The following CD226 variants were observed in gnomAD, a reference collection of about 807,000 sequenced individuals.
The protein encoded by CD226 is CD226 antigen.
In CD226, 24 loss-of-function variants were observed where a neutral mutation model predicts 34.9. The ratio of observed to expected loss-of-function variants is 0.69; its 90% CI spans 0.50 to 0.97. The LOEUF (loss-of-function observed/expected upper bound fraction) is 0.97. Among genes scored for constraint, CD226 ranks in the 50% least tolerant of loss-of-function variants. CD226 has a pLI of 0.00. For missense variants in CD226, 397 were observed against 412.7 expected, an observed-to-expected ratio of 0.96 and a Z score of 0.33; for synonymous variants, 148 against 147.4, an observed-to-expected ratio of 1.00 and a Z score of -0.03.
intron 2 of CD226, among the ~76,000 whole-genome samples, chr18:69,924,242 C>T (rs2145316745): frequency 6.6e-6 from 1 of 152,140 alleles, no homozygotes; most frequent in East Asian, 1.9e-4. Flanking sequence ...TTGAATTCTA[C>T]CTCTGAAAAA....
intron 2 of CD226, among the ~76,000 whole-genome samples, chr18:69,900,719 A>G (rs1260221237): frequency 6.8e-6 from 1 of 146,144 alleles, no homozygotes; most frequent in Non-Finnish European, 1.5e-5. Context: ...GGCCTGGGCG[A>G]CAGAGCGAGA....
At chr18:69,914,034 A>G (rs192322068) in intron 2 of CD226, among the ~76,000 whole-genome samples, 102 of 152,328 alleles carry the variant, frequency 6.7e-4, no homozygotes, top group Non-Finnish European at 1.6e-4. Flanking sequence ...GATTTCCAAA[A>G]TTTGGAAAGC....
In CD226 at chr18:69,900,756, A is replaced by AT. The variant is rs1555680748; in HGVS notation, c.383-4712dup. 4.4e-3 allele frequency among the ~76,000 whole-genome samples: 671 copies of AT among 150,792 alleles called. 6 individuals carry two copies. Among genetic ancestry groups the AT allele is most frequent in the African/African-American group, 0.016 (645 of 40,550 alleles). ...TCCGTCTCAAAAAAAAAAAAAAAAA[A>AT]TTTCTAATAAAATAAAACTGTATTT... is the stretch of plus-strand genomic sequence containing the variant. On this transcript the variant is annotated intron_variant, in intron 2 of 5. Transcript: ENST00000582621.
intron 2 of CD226, among the ~76,000 whole-genome samples, chr18:69,914,018 TAGAG>T (rs1034002717): frequency 2.6e-5 from 4 of 152,198 alleles, no homozygotes; most frequent in African/African-American, 9.6e-5. Flanking sequence ...CTACTTCTAT[TAGAG>T]AGATTTCCAA....
intron 2 of CD226, among the ~76,000 whole-genome samples, chr18:69,922,353 C>T (rs750312489): frequency 3.3e-5 from 5 of 152,198 alleles, no homozygotes; most frequent in Non-Finnish European, 7.3e-5. Context: ...GCGATCATAG[C>T]TCACTGCAGC....
At chr18:69,902,053 G>A (rs2055193250) in intron 2 of CD226, among the ~76,000 whole-genome samples, 1 of 152,108 alleles carries the variant, frequency 6.6e-6, no homozygotes, top group African/African-American at 2.4e-5. Context: ...ATATACTGAA[G>A]TAGCTTTCCC....
chr18:69,893,218 G>A (rs1338068922), intron 3 of CD226, among the ~76,000 whole-genome samples: 1 of 152,184 alleles, frequency 6.6e-6, no homozygotes, highest in African/African-American at 2.4e-5. Flanking sequence ...TCAACTGAAT[G>A]TCAAAAAGCC....
At chr18:69,928,010 G>A (rs985169937) in intron 2 of CD226, among the ~76,000 whole-genome samples, 15 of 152,144 alleles carry the variant, frequency 9.9e-5, no homozygotes, top group African/African-American at 3.4e-4. Flanking sequence ...ACTAGTGGGT[G>A]AAATACTGAA....
rs541216240 is a variant in CD226 at position 69,923,913 on chromosome 18, C to T, written c.382+22821G>A. ...AGCTTGCAGTGAGCCGAGATCGCGCCACTGCACTCCAGCCTGGGCGACAGA... is the reference window on the plus strand; with the variant it reads ...AGCTTGCAGTGAGCCGAGATCGCGCTACTGCACTCCAGCCTGGGCGACAGA... On this transcript the variant is annotated intron_variant, in intron 2 of 5. Transcript: ENST00000582621. Among the ~76,000 whole-genome samples, 769 of 150,006 alleles carry T rather than the reference C, an allele frequency of 5.1e-3. 2 individuals carry two copies. The highest frequency in any genetic ancestry group is 8.3e-3 in the Non-Finnish European group (565 of 67,726).
In CD226 at chr18:69,857,356, G is replaced by A. The variant is rs1179137004; in HGVS notation, c.*6958C>T. On this transcript the variant is annotated 3_prime_UTR_variant, in exon 6 of 6. Coordinates refer to ENST00000582621, the MANE Select transcript of CD226 (RefSeq NM_001303618.2). Reference sequence around the variant, plus strand: ...CCATTATACGATAAAAATAAAGTGTGGGATAAATCAGCTCAACTGAAGCCA... The same window carrying A: ...CCATTATACGATAAAAATAAAGTGTAGGATAAATCAGCTCAACTGAAGCCA... 2 of 152,178 alleles carry A rather than the reference G, an allele frequency of 1.3e-5. No homozygotes were observed. The highest frequency in any genetic ancestry group is 4.8e-5 in the African/African-American group (2 of 41,430). The allele number at this position is 152,178 out of a possible 1,614,324, so 9.4% of individuals were successfully genotyped here.
rs140792138 is a variant in CD226 at position 69,942,200 on chromosome 18, T to C, written c.382+4534A>G. Among the ~76,000 whole-genome samples, 833 of 152,356 alleles carry C rather than the reference T, an allele frequency of 5.5e-3. 5 individuals carry two copies. Among genetic ancestry groups the C allele is most frequent in the African/African-American group, 0.019 (793 of 41,580 alleles). On this transcript the variant is annotated intron_variant, in intron 2 of 5. Transcript: ENST00000582621. Reference sequence around the variant, plus strand: ...GTATTTCTTCACAGCAGTGTGAGAATAGACTAATACATCATGTGAGCCAAT... The same window carrying C: ...GTATTTCTTCACAGCAGTGTGAGAACAGACTAATACATCATGTGAGCCAAT...
At chr18:69,926,318 C>A (rs1036812877) in intron 2 of CD226, among the ~76,000 whole-genome samples, 7 of 152,088 alleles carry the variant, frequency 4.6e-5, no homozygotes, top group African/African-American at 1.7e-4. Context: ...GCTATTCCTA[C>A]TGCAAGGACA....
Position 69,915,565 on chromosome 18 carries a change from A to G in CD226, c.383-19520T>C, listed in dbSNP as rs2055375631. Among the ~76,000 whole-genome samples the G allele has an allele frequency of 2.0e-5, 3 of 152,184 alleles. No individual in the cohort carries two copies. In the South Asian group the frequency reaches 6.2e-4, roughly 31 times the overall value. On this transcript the variant is annotated intron_variant, in intron 2 of 5. Coordinates refer to ENST00000582621, the MANE Select transcript of CD226 (RefSeq NM_001303618.2). ...GGTATATGTCCTATTGCTACGCGCC[A>G]TTTTTTAAATGCGGAAACTAATTGA...
At chr18:69,896,785 A>AAAAGATACC (rs1985329090) in intron 2 of CD226, among the ~76,000 whole-genome samples, 1 of 152,234 alleles carries the variant, frequency 6.6e-6, no homozygotes, top group Non-Finnish European at 1.5e-5. Context: ...ACAGTTATGA[A>AAAAGATACC]AAAGATACCA....
chr18:69,898,214 AAGG>A (rs1384382576), intron 2 of CD226, among the ~76,000 whole-genome samples: 3 of 152,196 alleles, frequency 2.0e-5, no homozygotes, highest in Non-Finnish European at 4.4e-5. Context: ...AAATGAAAAA[AAGG>A]AGGAGAAATC....
chr18:69,893,471 T>C (rs1275534913), intron 3 of CD226, among the ~76,000 whole-genome samples: 1 of 152,258 alleles, frequency 6.6e-6, no homozygotes, highest in African/African-American at 2.4e-5. Context: ...TGTTTACAAT[T>C]ACTTTTTCAG....
intron 5 of CD226, among the ~76,000 whole-genome samples, chr18:69,866,571 C>T (rs1033903482): frequency 1.3e-5 from 2 of 152,118 alleles, no homozygotes; most frequent in South Asian, 2.1e-4. Context: ...AATATCATTA[C>T]GTTCTTCTAT....
intron 2 of CD226, among the ~76,000 whole-genome samples, chr18:69,929,464 C>T (rs544792217): frequency 1.3e-5 from 2 of 152,222 alleles, no homozygotes; most frequent in East Asian, 1.9e-4. Context: ...ATTAATAATA[C>T]TATCTCCCTC....
At chr18:69,958,558 G>A (rs180999597), upstream of CD226, among the ~76,000 whole-genome samples, 1 of 152,136 alleles carries the variant, frequency 6.6e-6, no homozygotes, top group South Asian at 2.1e-4. Flanking sequence ...GGGCCCTGAA[G>A]TGAACCTCAC....
Sources: allele counts gnomAD v4.1 joint callset (sites outside exome capture counted in the v4.1 genomes callset), GRCh38; gene constraint gnomAD v4.1.1; transcripts MANE v1.5; gene names NCBI Gene and HGNC (gene_info 2026-07-23, HGNC 2026-07-21).